The following IL23R variants were observed in gnomAD, a reference collection of about 807,000 sequenced individuals.
IL23R encodes the protein interleukin 23 receptor.
Under a neutral mutation model 56.9 loss-of-function variants are expected in IL23R, and 34 were observed. That is an observed-to-expected ratio of 0.60 (90% confidence interval 0.45 to 0.80). The LOEUF is 0.80. Among genes scored for constraint, IL23R ranks in the 30% least tolerant of loss-of-function variants. IL23R has a pLI of 0.00. For synonymous variants in IL23R, 230 were observed against 249.2 expected, an observed-to-expected ratio of 0.92 and a Z score of 0.73; for missense variants, 635 against 730.0, an observed-to-expected ratio of 0.87 and a Z score of 1.50.
At chr1:67,138,771 T>A (rs879570811), upstream of IL23R, 1 of 152,378 alleles carries the variant, frequency 6.6e-6, no homozygotes, top group Non-Finnish European at 1.5e-5. Flanking sequence ...TGTCTTTTCA[T>A]GCTGTTCCCT....
chr1:67,153,273 T>C (rs1266787520), intron 1 of IL23R, among the ~76,000 whole-genome samples: 1 of 152,220 alleles, frequency 6.6e-6, no homozygotes, highest in Non-Finnish European at 1.5e-5. Context: ...AGTTTGTATT[T>C]CTGTGGGGTC....
At chr1:67,253,841 C>T (rs1011892442) in intron 9 of IL23R, among the ~76,000 whole-genome samples, 3 of 151,970 alleles carry the variant, frequency 2.0e-5, no homozygotes, top group Non-Finnish European at 4.4e-5. Context: ...CTAAGAATAG[C>T]CTAAAAACTA....
At chr1:67,228,362 C>CTTTTTTTTTTTTTTT (rs1558254618) in intron 7 of IL23R, among the ~76,000 whole-genome samples, 3 of 39,864 alleles carry the variant, frequency 7.5e-5, no homozygotes, top group African/African-American at 2.1e-4. Flanking sequence ...TTTTTTTCTT[C>CTTTTTTTTTTTTTTT]CTTTTTTTTT....
At chr1:67,225,005 G>A (rs915772941) in intron 7 of IL23R, among the ~76,000 whole-genome samples, 5 of 152,126 alleles carry the variant, frequency 3.3e-5, no homozygotes, top group Non-Finnish European at 5.9e-5. Flanking sequence ...TTACAAGGCT[G>A]GTAAACAGTA....
intron 9 of IL23R, among the ~76,000 whole-genome samples, chr1:67,243,637 A>C (rs1652003118): frequency 1.3e-5 from 2 of 152,072 alleles, no homozygotes; most frequent in Admixed American, 1.3e-4. Context: ...AAGGACATGA[A>C]CTCATCCTTT....
At chr1:67,250,030 A>G (rs1411093899) in intron 9 of IL23R, among the ~76,000 whole-genome samples, 1 of 152,204 alleles carries the variant, frequency 6.6e-6, no homozygotes, top group East Asian at 1.9e-4. Flanking sequence ...TCCACAATGT[A>G]TTCAAGCCTT....
At chr1:67,205,881 T>TTC (rs1310067340) in intron 5 of IL23R, among the ~76,000 whole-genome samples, 2 of 35,560 alleles carry the variant, frequency 5.6e-5, no homozygotes, top group Non-Finnish European at 1.3e-4. Flanking sequence ...CCATCTTTCT[T>TTC]TCTTTCTTTC....
At chr1:67,171,190 G>A (rs1646939164) in intron 3 of IL23R, among the ~76,000 whole-genome samples, 1 of 152,026 alleles carries the variant, frequency 6.6e-6, no homozygotes, top group Non-Finnish European at 1.5e-5. Context: ...TCTTTGGAGG[G>A]CAAATAAGCA....
chr1:67,148,171 G>T (rs1223276937), intron 1 of IL23R, among the ~76,000 whole-genome samples: 2 of 152,276 alleles, frequency 1.3e-5, no homozygotes, highest in African/African-American at 4.8e-5. Context: ...GGTCAGAAAC[G>T]CAGTGTACAC....
chr1:67,211,239 C>T (rs790631), intron 6 of IL23R, among the ~76,000 whole-genome samples: 117,192 of 152,148 alleles, frequency 0.77, 45,420 homozygotes, highest in East Asian at 0.97. Flanking sequence ...TTCTCAAGTC[C>T]TAGATTCTGA....
chr1:67,229,067 C>T (rs1323156360), intron 7 of IL23R, among the ~76,000 whole-genome samples: 1 of 152,208 alleles, frequency 6.6e-6, no homozygotes, highest in Non-Finnish European at 1.5e-5. Flanking sequence ...CTTTGAGGGA[C>T]ACCAGCTGTG....
chr1:67,218,944 A>T (rs1311445538), intron 6 of IL23R, among the ~76,000 whole-genome samples: 1 of 151,250 alleles, frequency 6.6e-6, no homozygotes, highest in Non-Finnish European at 1.5e-5. Context: ...AAAATAAAAT[A>T]AAAAATATAT....
chr1:67,180,900 A>G (rs1647130488), intron 3 of IL23R, among the ~76,000 whole-genome samples: 1 of 152,170 alleles, frequency 6.6e-6, no homozygotes, highest in African/African-American at 2.4e-5. Context: ...GCTGGATATG[A>G]AAATCTGAGT....
intron 7 of IL23R, among the ~76,000 whole-genome samples, chr1:67,228,110 C>CTCTT (rs1339086979): frequency 2.4e-5 from 1 of 40,946 alleles, no homozygotes; most frequent in Non-Finnish European, 5.2e-5. Flanking sequence ...TTCTTTCTCT[C>CTCTT]TCTTTCTTTC....
At chr1:67,150,622 C>T (rs543789621) in intron 1 of IL23R, among the ~76,000 whole-genome samples, 5 of 136,336 alleles carry the variant, frequency 3.7e-5, no homozygotes, top group African/African-American at 8.3e-5. Context: ...TATGGCTGCA[C>T]GTTCTGCACA....
chr1:67,249,066 G>A (rs1010671627), intron 9 of IL23R, among the ~76,000 whole-genome samples: 11 of 152,122 alleles, frequency 7.2e-5, no homozygotes, highest in Non-Finnish European at 1.0e-4. Context: ...CGCCTTCTGC[G>A]TTGATCTCTC....
intron 4 of IL23R, among the ~76,000 whole-genome samples, chr1:67,199,697 A>G (rs1648458407): frequency 6.6e-6 from 1 of 152,084 alleles, no homozygotes; most frequent in African/African-American, 2.4e-5. Context: ...TATTTATATA[A>G]TATATACGCT....
rs1417738606 is a variant in IL23R, at chr1:67,233,534, G to A, written c.956-3179G>A. Among the ~76,000 whole-genome samples the A allele has an allele frequency of 4.6e-5, 7 of 152,084 alleles. No homozygotes were observed. The East Asian group carries it at 9.6e-4, about 21-fold the overall frequency. ...CTTTTGAGTGGATTTGATTAAACTA[G>A]CCTGGTGTTTTGGTAGGCCAAAAAA... On this transcript the variant is annotated intron_variant, in intron 7 of 10. Transcript: ENST00000347310.
intron 8 of IL23R, among the ~76,000 whole-genome samples, chr1:67,237,510 A>G (rs1344164935): frequency 2.6e-5 from 4 of 152,246 alleles, no homozygotes; most frequent in Non-Finnish European, 5.9e-5. Context: ...TGAAACTTAG[A>G]GTAGTTGAGG....
Sources: allele counts gnomAD v4.1 joint callset (sites outside exome capture counted in the v4.1 genomes callset), GRCh38; gene constraint gnomAD v4.1.1; transcripts MANE v1.5; gene names NCBI Gene and HGNC (gene_info 2026-07-23, HGNC 2026-07-21).